GRIN2B: variants seen among roughly 807,000 people sequenced by gnomAD.
The protein encoded by GRIN2B is glutamate ionotropic receptor NMDA type subunit 2B.
GRIN2B carries 5 observed loss-of-function variants against 114.5 expected under a neutral mutation model. That is an observed-to-expected ratio of 0.04 (90% CI 0.02 to 0.09). GRIN2B has a LOEUF of 0.09. Among genes scored for constraint, GRIN2B ranks in the 10% least tolerant of loss-of-function variants. GRIN2B has a pLI of 1.00. For missense variants in GRIN2B, 1,108 were observed against 1,943.5 expected, an observed-to-expected ratio of 0.57 and a Z score of 8.08; for synonymous variants, 787 against 745.1, an observed-to-expected ratio of 1.06 and a Z score of -0.92.
At chr12:13,811,602 T>C (rs1024197534) in intron 3 of GRIN2B, among the ~76,000 whole-genome samples, 2 of 152,168 alleles carry the variant, frequency 1.3e-5, no homozygotes, top group African/African-American at 4.8e-5. Flanking sequence ...ATATGGTCAC[T>C]ATTGCCACAG....
At chr12:13,704,104 T>C (rs1950337401) in intron 4 of GRIN2B, among the ~76,000 whole-genome samples, 1 of 152,180 alleles carries the variant, frequency 6.6e-6, no homozygotes, top group South Asian at 2.1e-4. Flanking sequence ...AATAGTAATG[T>C]GGTCATGAGG....
At chr12:13,977,812 A>G (rs1434733194) in intron 2 of GRIN2B, among the ~76,000 whole-genome samples, 1 of 152,186 alleles carries the variant, frequency 6.6e-6, no homozygotes, top group Non-Finnish European at 1.5e-5. Context: ...GAAAAGGCAC[A>G]GACCACCTGT....
chr12:13,891,971 G>T (rs1204140996), intron 2 of GRIN2B, among the ~76,000 whole-genome samples: 1 of 152,082 alleles, frequency 6.6e-6, no homozygotes, highest in Non-Finnish European at 1.5e-5. Context: ...AAAAATGATG[G>T]CAATAACTAA....
At chr12:13,609,502 G>A (rs1949333262) in intron 9 of GRIN2B, among the ~76,000 whole-genome samples, 1 of 152,126 alleles carries the variant, frequency 6.6e-6, no homozygotes, top group Admixed American at 6.5e-5. Flanking sequence ...GGCCAGGCAT[G>A]GTGGCTCACG....
intron 2 of GRIN2B, among the ~76,000 whole-genome samples, chr12:13,921,397 T>G (rs1480016687): frequency 2.6e-5 from 4 of 152,132 alleles, no homozygotes; most frequent in Non-Finnish European, 2.9e-5. Flanking sequence ...GGAGCAAGAC[T>G]ATATCTCAAA....
intron 2 of GRIN2B, among the ~76,000 whole-genome samples, chr12:13,873,146 A>G (rs1288082513): frequency 6.6e-6 from 1 of 152,218 alleles, no homozygotes; most frequent in Non-Finnish European, 1.5e-5. Flanking sequence ...TAATTAATAC[A>G]TTTTTAAGAA....
At chr12:13,929,254 A>G (rs219878) in intron 2 of GRIN2B, among the ~76,000 whole-genome samples, 69,779 of 152,004 alleles carry the variant, frequency 0.46, 16,219 homozygotes, top group East Asian at 0.53. Flanking sequence ...GACAAACAAA[A>G]AAACAGTGAA....
At chr12:13,730,765 GAAT>G (rs1863074933) in intron 4 of GRIN2B, among the ~76,000 whole-genome samples, 1 of 152,006 alleles carries the variant, frequency 6.6e-6, no homozygotes, top group African/African-American at 2.4e-5. Flanking sequence ...CAACTGAGCA[GAAT>G]AATTAAAAAA....
At chr12:13,866,481 C>T (rs1006980826) in intron 2 of GRIN2B, among the ~76,000 whole-genome samples, 4 of 152,128 alleles carry the variant, frequency 2.6e-5, no homozygotes, top group African/African-American at 9.7e-5. Context: ...CAGCTACAGG[C>T]AGAGACAAAG....
At chr12:13,843,052 T>C (rs773491774) in intron 3 of GRIN2B, among the ~76,000 whole-genome samples, 1 of 143,124 alleles carries the variant, frequency 7.0e-6, no homozygotes, top group African/African-American at 2.5e-5. Context: ...TTTATTTATT[T>C]ATATTTTATT....
intron 2 of GRIN2B, among the ~76,000 whole-genome samples, chr12:13,922,573 T>C (rs535262955): frequency 6.6e-6 from 1 of 152,306 alleles, no homozygotes; most frequent in Admixed American, 6.5e-5. Flanking sequence ...TGAATAATTA[T>C]CAACGATAAT....
At chr12:13,910,361 T>C (rs1866609376) in intron 2 of GRIN2B, among the ~76,000 whole-genome samples, 1 of 152,198 alleles carries the variant, frequency 6.6e-6, no homozygotes, top group Non-Finnish European at 1.5e-5. Context: ...GCCTTGGTGT[T>C]AGGTTCCTGG....
chr12:13,793,733 A>G (rs1412661847), intron 3 of GRIN2B, among the ~76,000 whole-genome samples: 1 of 152,044 alleles, frequency 6.6e-6, no homozygotes, highest in Non-Finnish European at 1.5e-5. Context: ...CTTTCTCCAT[A>G]TTTTGACCCC....
chr12:13,832,570 A>G (rs1044706060), intron 3 of GRIN2B, among the ~76,000 whole-genome samples: 1 of 152,178 alleles, frequency 6.6e-6, no homozygotes, highest in Non-Finnish European at 1.5e-5. Flanking sequence ...ATATTTGTTG[A>G]TTATAATTTT....
intron 5 of GRIN2B, among the ~76,000 whole-genome samples, chr12:13,668,219 C>T (rs751966147): frequency 5.3e-5 from 8 of 152,182 alleles, no homozygotes; most frequent in Non-Finnish European, 1.2e-4. Flanking sequence ...TGTCCATCAG[C>T]ATGTACAGGT....
chr12:13,636,709 A>G (rs912515267), intron 5 of GRIN2B, among the ~76,000 whole-genome samples: 3 of 152,212 alleles, frequency 2.0e-5, no homozygotes, highest in Non-Finnish European at 2.9e-5. Flanking sequence ...TCCTGGGCAG[A>G]ACAGTGATTA....
chr12:13,934,578 C>G (rs146835252), intron 2 of GRIN2B, among the ~76,000 whole-genome samples: 3 of 152,320 alleles, frequency 2.0e-5, no homozygotes, highest in East Asian at 3.9e-4. Flanking sequence ...TAGCACGTCT[C>G]TCTTCCTACC....
At position 13,935,246 on chromosome 12, in the gene GRIN2B, T is replaced by C. The variant is rs539745283; in HGVS notation, c.-19+44682A>G. 3.3e-5 allele frequency among the ~76,000 whole-genome samples: 5 copies of C among 152,320 alleles called. No individual in the cohort carries two copies. In the East Asian group the frequency reaches 7.7e-4, roughly 24 times the overall value. On this transcript the variant is annotated intron_variant, in intron 2 of 13. Coordinates refer to ENST00000609686, the MANE Select transcript of GRIN2B (RefSeq NM_000834.5). ...AAAAAATTATAAGCCCTCTGTATCA[T>C]ACAAATCTTGACTATAAGCCATAGT...
At chr12:13,850,457 T>C (rs1295295038) in intron 3 of GRIN2B, among the ~76,000 whole-genome samples, 1 of 152,158 alleles carries the variant, frequency 6.6e-6, no homozygotes, top group Non-Finnish European at 1.5e-5. Context: ...GTCTAGAGTT[T>C]GGAGAGAATT....
Sources: gnomAD v4.1 joint callset for allele counts (sites outside exome capture counted in the v4.1 genomes callset) on GRCh38, gnomAD v4.1.1 for gene constraint, MANE v1.5 for transcripts, NCBI Gene and HGNC (gene_info 2026-07-23, HGNC 2026-07-21) for gene names.